Variants in SRSF6 observed in about 807,000 individuals in gnomAD.
The protein encoded by SRSF6 is serine and arginine rich splicing factor 6.
In SRSF6, 17 loss-of-function variants were observed where a neutral mutation model predicts 42.0. The observed-to-expected ratio is 0.40, with a 90% confidence interval of 0.28 to 0.61. SRSF6 has a LOEUF of 0.61. Ranked by LOEUF, SRSF6 falls within the 20% of genes least tolerant of loss-of-function variation. The pLI is 0.37. For missense variants in SRSF6, 379 were observed against 471.4 expected, an observed-to-expected ratio of 0.80 and a Z score of 1.81; for synonymous variants, 204 against 166.7, an observed-to-expected ratio of 1.22 and a Z score of -1.72.
chr20:43,458,498 A>G lies in SRSF6; in HGVS notation c.245A>G (p.Tyr82Cys). 1 of 1,505,712 alleles carries G rather than the reference A, an allele frequency of 6.6e-7. No individual in the cohort carries two copies. Among genetic ancestry groups the G allele is most frequent in the Non-Finnish European group, 8.8e-7 (1 of 1,133,344 alleles). The allele number at this position is 1,505,712 out of a possible 1,614,324, so 93.3% of individuals were successfully genotyped here. ...GPRRDRDGYS[Y>C]GSRSGGGGYS... Reference sequence around the variant, plus strand: ...CGTCGCGATCGCGACGGCTACAGCTACGGAAGCCGCAGTGAGTCCCACCCC... The same window carrying G: ...CGTCGCGATCGCGACGGCTACAGCTGCGGAAGCCGCAGTGAGTCCCACCCC... Residue 82 changes from tyrosine to cysteine, a missense_variant, in exon 2 of 6, where the codon TAC (tyrosine) becomes TGC (cysteine). By Grantham distance (194) the Tyr-to-Cys change is radical (BLOSUM62 -2). Transcript: ENST00000244020.
chr20:43,460,322 C>T, intron 4 of SRSF6, 81 bp downstream of exon 4: 2 of 1,497,060 alleles, frequency 1.3e-6, no homozygotes, highest in South Asian at 1.2e-5. Context: ...CAATTGTTGC[C>T]TACTTGAATT....
Position 43,458,043 on chromosome 20 carries a change from G to A in SRSF6, c.10G>A (p.Val4Ile), listed in dbSNP as rs1174856570. The change falls in exon 1 of 6, where the codon GTC becomes ATC. Residue 4 changes from valine to isoleucine, a missense_variant. Physicochemically the swap from Val to Ile is conservative, Grantham distance 29. Transcript: ENST00000244020. ...CCCGCCCGCCACGGACATGCCGCGCGTCTACATAGGACGCCTGAGCTACAA... is the reference window on the plus strand; with the variant it reads ...CCCGCCCGCCACGGACATGCCGCGCATCTACATAGGACGCCTGAGCTACAA... MPR[V>I]YIGRLSYNVR... 28 of 1,612,500 alleles carry A rather than the reference G, an allele frequency of 1.7e-5. No homozygotes were observed. The highest frequency in any genetic ancestry group is 2.4e-5 in the Non-Finnish European group (28 of 1,179,404).
chr20:43,459,401 C>A, intron 2 of SRSF6: 2 of 1,317,546 alleles, frequency 1.5e-6, no homozygotes, highest in Admixed American at 4.3e-5. Context: ...AAACCACCAC[C>A]AAAAACCTCA....
At chr20:43,460,411 TA>T in intron 4 of SRSF6, 103 bp from the exon 5 acceptor site, 7 of 1,399,128 alleles carry the variant, frequency 5.0e-6, no homozygotes, top group South Asian at 1.2e-5. Flanking sequence ...TTTAATTTCG[TA>T]GTAAAGAAAA....
chr20:43,458,313 C>T (rs757100249), intron 1 of SRSF6, 48 bp from the exon 2 acceptor site: 7 of 1,468,274 alleles, frequency 4.8e-6, no homozygotes, highest in South Asian at 2.7e-5. Flanking sequence ...CGTGCGCGTC[C>T]TGGCTAACGA....
rs1390629192 is a variant in SRSF6 at position 43,461,076 on chromosome 20, T to C, written c.*13T>C. 2.6e-6 allele frequency: 4 copies of C among 1,544,788 alleles called. No homozygotes were observed. The highest frequency in any genetic ancestry group is 3.5e-6 in the Non-Finnish European group (4 of 1,148,452). ...TTCCAGAGATTAACTCAGAACTCCTTGTTTGCACATTATTATGGAACACTT... is the reference window on the plus strand; with the variant it reads ...TTCCAGAGATTAACTCAGAACTCCTCGTTTGCACATTATTATGGAACACTT... On this transcript the variant is annotated 3_prime_UTR_variant, in exon 6 of 6. Coordinates refer to ENST00000244020, the MANE Select transcript of SRSF6 (RefSeq NM_006275.6).
chr20:43,463,054 A>G lies in SRSF6; in HGVS notation c.*1991A>G, dbSNP rs2017630495. The G allele has an allele frequency of 1.3e-5, 2 of 152,322 alleles. No individual in the cohort carries two copies. Among genetic ancestry groups the G allele is most frequent in the Non-Finnish European group, 2.9e-5 (2 of 67,798 alleles). The allele number at this position is 152,322 out of a possible 1,614,324, so 9.4% of individuals were successfully genotyped here. A position where few individuals can be genotyped will look rare whatever the true frequency, so the allele number is the denominator to read the frequency against. On this transcript the variant is annotated 3_prime_UTR_variant, in exon 6 of 6. Coordinates refer to ENST00000244020, the MANE Select transcript of SRSF6 (RefSeq NM_006275.6). ...TGGGAGGATATTACAGTAAGAAATT[A>G]GGCTTTCTAAAAGTATGAAACATCC... is the stretch of plus-strand genomic sequence containing the variant.
Position 43,461,218 on chromosome 20 carries a change from A to AGGC in SRSF6, c.*156_*158dup. 1 of 1,089,814 alleles carries AGGC rather than the reference A, an allele frequency of 9.2e-7. No individual in the cohort carries two copies. Among genetic ancestry groups the AGGC allele is most frequent in the East Asian group, 2.9e-5 (1 of 34,154 alleles). 67.5% of individuals were successfully genotyped at this position (1,089,814 alleles called of 1,614,324 possible). A position where few individuals can be genotyped will look rare whatever the true frequency, so the allele number is the denominator to read the frequency against. Reference sequence around the variant, plus strand: ...GTGGCCAAATTGGATGAAAAAGATGAGGCTCTAAGGAAATGGTGGCATGAA... The same window carrying AGGC: ...GTGGCCAAATTGGATGAAAAAGATGAGGCGGCTCTAAGGAAATGGTGGCATGAA... On this transcript the variant is annotated 3_prime_UTR_variant, in exon 6 of 6. Coordinates refer to ENST00000244020, the MANE Select transcript of SRSF6 (RefSeq NM_006275.6).
chr20:43,459,966 T>G (rs937227941), intron 3 of SRSF6, 67 bp from the exon 4 acceptor site: 167 of 1,604,290 alleles, frequency 1.0e-4, no homozygotes, highest in Non-Finnish European at 8.9e-5. Flanking sequence ...ATATTCTTAT[T>G]TCTGGGAATT....
rs1274220528 is a variant in SRSF6 at position 43,461,757 on chromosome 20, AT to A, written c.*695del. On this transcript the variant is annotated 3_prime_UTR_variant, in exon 6 of 6. Coordinates refer to ENST00000244020, the MANE Select transcript of SRSF6 (RefSeq NM_006275.6). ...TGCCCCTTTAACAAGTTGAGTAAAAATAAAAGGTATTTTTTAGTCAATGTGT... is the reference window on the plus strand; with the variant it reads ...TGCCCCTTTAACAAGTTGAGTAAAAAAAAAGGTATTTTTTAGTCAATGTGT... 6.6e-6 allele frequency: 1 copy of A among 152,656 alleles called. No homozygotes were observed. The highest frequency in any genetic ancestry group is 1.5e-5 in the Non-Finnish European group (1 of 68,042). 9.5% of individuals were successfully genotyped at this position (152,656 alleles called of 1,614,324 possible). A position where few individuals can be genotyped will look rare whatever the true frequency, so the allele number is the denominator to read the frequency against.
chr20:43,461,337 G>GTTTTTTTTTTTTTTTTTTTTTTTT lies in SRSF6; in HGVS notation c.*288_*311dup, dbSNP rs57110045. On this transcript the variant is annotated 3_prime_UTR_variant, in exon 6 of 6. Transcript: ENST00000244020. The stretch of plus-strand genomic sequence containing the variant: ...GTAAAGATTAAGCTCATTTAGTGTT[G>GTTTTTTTTTTTTTTTTTTTTTTTT]TTTTTTTTTTTTTTTTTTTTTTTTT... 2.5e-4 allele frequency: 11 copies of GTTTTTTTTTTTTTTTTTTTTTTTT among 43,828 alleles called. 2 individuals carry two copies. Among genetic ancestry groups the GTTTTTTTTTTTTTTTTTTTTTTTT allele is most frequent in the Admixed American group, 8.7e-4 (3 of 3,448 alleles). 2.7% of individuals were successfully genotyped at this position (43,828 alleles called of 1,614,324 possible).
intron 4 of SRSF6, 23 bp from the exon 5 acceptor site, chr20:43,460,492 C>T (rs772393426): frequency 3.1e-6 from 5 of 1,610,754 alleles, no homozygotes; most frequent in South Asian, 1.1e-5. Context: ...GGGATTAAGA[C>T]TTCATTGTTT....
Position 43,461,159 on chromosome 20 carries a change from C to T in SRSF6, c.*96C>T. On this transcript the variant is annotated 3_prime_UTR_variant, in exon 6 of 6. Transcript: ENST00000244020. ...ACTTGGCCTCTTCTGCAAGAGGAATCTCTTGAAAACAGGGGCACACAGAAA... is the reference window on the plus strand; with the variant it reads ...ACTTGGCCTCTTCTGCAAGAGGAATTTCTTGAAAACAGGGGCACACAGAAA... 1.4e-6 allele frequency: 2 copies of T among 1,433,704 alleles called. No homozygotes were observed. Among genetic ancestry groups the T allele is most frequent in the Non-Finnish European group, 1.8e-6 (2 of 1,095,634 alleles). The allele number at this position is 1,433,704 out of a possible 1,614,324, so 88.8% of individuals were successfully genotyped here. A position where few individuals can be genotyped will look rare whatever the true frequency, so the allele number is the denominator to read the frequency against.
rs147863077 is a variant in SRSF6 at position 43,460,202 on chromosome 20, G to A, written c.551G>A (p.Arg184His). The change falls in exon 4 of 6, where the codon CGC (arginine) becomes CAC (histidine). Residue 184 changes from arginine (R) to histidine (H), a missense_variant. By Grantham distance (29) the Arg-to-His change is conservative (BLOSUM62 0). Transcript: ENST00000244020. The part of the protein sequence containing the change: ...RNIRLIEDKP[R>H]TSHRRSYSGS... ...ATTAGGCTTATTGAAGATAAGCCAC[G>A]CACAAGCCATAGGCGATCTTACTCT... 539 of 1,613,810 alleles carry A rather than the reference G, an allele frequency of 3.3e-4. No homozygotes were observed. Among genetic ancestry groups the A allele is most frequent in the Non-Finnish European group, 4.1e-4 (486 of 1,179,924 alleles).
chr20:43,459,664 A>G, intron 2 of SRSF6, 107 bp from the exon 3 acceptor site: 4 of 1,543,228 alleles, frequency 2.6e-6, no homozygotes, highest in Non-Finnish European at 3.5e-6. Flanking sequence ...TATAATAGCA[A>G]AGTCCTACTC....
At chr20:43,459,928 G>T in intron 3 of SRSF6, 33 bp downstream of exon 3, 5 of 1,601,554 alleles carry the variant, frequency 3.1e-6, no homozygotes, top group Non-Finnish European at 4.3e-6. Context: ...GAAATGATAT[G>T]ACTAATGCTT....
Position 43,460,725 on chromosome 20 carries a change from C to T in SRSF6, c.697C>T (p.Arg233Ter), listed in dbSNP as rs1387104043. 1 of 1,613,396 alleles carries T rather than the reference C, an allele frequency of 6.2e-7. No homozygotes were observed. Among genetic ancestry groups the T allele is most frequent in the Non-Finnish European group, 8.5e-7 (1 of 1,179,508 alleles). The stretch of plus-strand genomic sequence containing the variant: ...CAGTTCCAGGTCGCGGAGCAAAGGT[C>T]GATCACGTTCTCGATCAAAAGGCAG... ...RSRSRSRSKG[R>*]SRSRSKGRKS... Residue 233 changes from arginine to a stop codon, truncating the protein, a stop_gained, in exon 6 of 6, where the codon CGA becomes TGA. Transcript: ENST00000244020. LOFTEE classifies it high-confidence loss of function.
At chr20:43,458,585 C>T in intron 2 of SRSF6, 76 bp downstream of exon 2, 1 of 1,374,686 alleles carries the variant, frequency 7.3e-7, no homozygotes, top group Non-Finnish European at 9.4e-7. Flanking sequence ...GCCTCCCAGC[C>T]CGGGCAGGCG....
At position 43,463,607 on chromosome 20, in the gene SRSF6, G is replaced by A. The variant is rs1409969352; in HGVS notation, c.*2544G>A. 1 of 152,642 alleles carries A rather than the reference G, an allele frequency of 6.6e-6. No individual in the cohort carries two copies. The highest frequency in any genetic ancestry group is 1.5e-5 in the Non-Finnish European group (1 of 68,064). The allele number at this position is 152,642 out of a possible 1,614,324, so 9.5% of individuals were successfully genotyped here. A position where few individuals can be genotyped will look rare whatever the true frequency, so the allele number is the denominator to read the frequency against. ...CAATAAAATACTTACTGAGGGAAAGGCTTGTTTTGAGTTTATTGCATATGC... is the reference window on the plus strand; with the variant it reads ...CAATAAAATACTTACTGAGGGAAAGACTTGTTTTGAGTTTATTGCATATGC... On this transcript the variant is annotated 3_prime_UTR_variant, in exon 6 of 6. Coordinates refer to ENST00000244020, the MANE Select transcript of SRSF6 (RefSeq NM_006275.6).
Sources: allele counts gnomAD v4.1 joint callset, GRCh38; gene constraint gnomAD v4.1.1; transcripts MANE v1.5; gene names NCBI Gene and HGNC (gene_info 2026-07-23, HGNC 2026-07-21).